The following UBE2G1 variants were observed in gnomAD, a reference collection of about 807,000 sequenced individuals.
UBE2G1 encodes ubiquitin conjugating enzyme E2 G1, also known as ubiquitin-conjugating enzyme E2 G1.
UBE2G1 carries 5 observed loss-of-function variants against 22.7 expected under a neutral mutation model. The ratio of observed to expected loss-of-function variants is 0.22; its 90% CI spans 0.12 to 0.46. The LOEUF is 0.46. UBE2G1 is among the 20% of genes least tolerant of loss of function. The pLI is 0.99. For missense variants in UBE2G1, 88 were observed against 203.9 expected, an observed-to-expected ratio of 0.43 and a Z score of 3.46; for synonymous variants, 74 against 67.5, an observed-to-expected ratio of 1.10 and a Z score of -0.47.
At chr17:4,331,494 T>C (rs886553191) in intron 1 of UBE2G1, among the ~76,000 whole-genome samples, 16 of 152,170 alleles carry the variant, frequency 1.1e-4, no homozygotes, top group African/African-American at 3.4e-4. Flanking sequence ...TCTGAATATA[T>C]CTAACTCTTA....
intron 1 of UBE2G1, among the ~76,000 whole-genome samples, chr17:4,348,558 A>C (rs1969807942): frequency 6.7e-6 from 1 of 150,296 alleles, no homozygotes; most frequent in African/African-American, 2.5e-5. Context: ...GTCTCAAAAA[A>C]AAAAAAAAAA....
In UBE2G1 at chr17:4,272,820, T is replaced by TCATCCA. The variant is rs200605058; in HGVS notation, c.*38-305_*38-304insTGGATG. On this transcript the variant is annotated intron_variant, in intron 5 of 5. Transcript: ENST00000396981. ...GCTGAACAGCACAGCTGTATCCTTA[T>TCATCCA]CATCACAGAACGTTCTACTGGACAG... Among the ~76,000 whole-genome samples, 550 of 152,336 alleles carry TCATCCA rather than the reference T, an allele frequency of 3.6e-3. 16 individuals are homozygous for TCATCCA. In the East Asian group the frequency reaches 0.089, roughly 25 times the overall value.
At chr17:4,297,094 C>T (rs1241419032) in intron 2 of UBE2G1, among the ~76,000 whole-genome samples, 1 of 152,204 alleles carries the variant, frequency 6.6e-6, no homozygotes, top group East Asian at 1.9e-4. Flanking sequence ...TGCTATGCTA[C>T]AAACCCTTCC....
At chr17:4,288,850 A>G (rs1969001399) in intron 4 of UBE2G1, among the ~76,000 whole-genome samples, 1 of 152,138 alleles carries the variant, frequency 6.6e-6, no homozygotes, top group Non-Finnish European at 1.5e-5. Flanking sequence ...CAACATATCC[A>G]TATTTCAAAA....
chr17:4,344,595 T>C (rs1326838967), intron 1 of UBE2G1, among the ~76,000 whole-genome samples: 3 of 149,210 alleles, frequency 2.0e-5, no homozygotes, highest in Non-Finnish European at 4.4e-5. Context: ...CCAGGTGCGG[T>C]GACTCACACC....
At chr17:4,285,767 T>C (rs182117166) in intron 4 of UBE2G1, among the ~76,000 whole-genome samples, 1 of 151,856 alleles carries the variant, frequency 6.6e-6, no homozygotes, top group African/African-American at 2.4e-5. Flanking sequence ...CTGGCCAACA[T>C]GGTGAAACCC....
At chr17:4,285,244 AT>A (rs1353293950) in intron 4 of UBE2G1, among the ~76,000 whole-genome samples, 1 of 152,166 alleles carries the variant, frequency 6.6e-6, no homozygotes, top group African/African-American at 2.4e-5. Context: ...ACTCTGTGAA[AT>A]TTCCAAAGAC....
At chr17:4,320,876 C>T (rs1299050301) in intron 1 of UBE2G1, among the ~76,000 whole-genome samples, 1 of 151,760 alleles carries the variant, frequency 6.6e-6, no homozygotes, top group Non-Finnish European at 1.5e-5. Context: ...TCGTTTTCCC[C>T]CTCAAATATA....
intron 2 of UBE2G1, among the ~76,000 whole-genome samples, chr17:4,300,464 G>C (rs576080474): frequency 6.6e-6 from 1 of 151,286 alleles, no homozygotes; most frequent in South Asian, 2.1e-4. Context: ...AATGGCTTGA[G>C]CCTGGGAGGC....
At chr17:4,363,570 C>T (rs557065565) in intron 1 of UBE2G1, among the ~76,000 whole-genome samples, 1 of 152,302 alleles carries the variant, frequency 6.6e-6, no homozygotes, top group South Asian at 2.1e-4. Context: ...TCACACATTG[C>T]TGCTGCTGAC....
chr17:4,307,179 A>G, intron 1 of UBE2G1, 56 bp from the exon 2 acceptor site: 1 of 1,427,250 alleles, frequency 7.0e-7, no homozygotes, highest in South Asian at 1.2e-5. Context: ...TGCATCCAGT[A>G]GATAAATTAC....
chr17:4,346,857 A>G, intron 1 of UBE2G1, among the ~76,000 whole-genome samples: 1 of 152,174 alleles, frequency 6.6e-6, no homozygotes, highest in South Asian at 2.1e-4. Flanking sequence ...TGCTAGTGAT[A>G]TAATGTAGCA....
chr17:4,340,718 C>T (rs763846630), intron 1 of UBE2G1, among the ~76,000 whole-genome samples: 3 of 151,956 alleles, frequency 2.0e-5, no homozygotes, highest in African/African-American at 4.8e-5. Context: ...TATCCAGTCT[C>T]GGGCAGTTCT....
In UBE2G1 at chr17:4,366,561, C is replaced by A. The variant is rs1970038662; in HGVS notation, c.-245G>T. 5 of 401,248 alleles carry A rather than the reference C, an allele frequency of 1.2e-5. No individual in the cohort carries two copies. The highest frequency in any genetic ancestry group is 2.2e-5 in the Non-Finnish European group (5 of 225,664). The allele number at this position is 401,248 out of a possible 1,614,324, so 24.9% of individuals were successfully genotyped here. On this transcript the variant is annotated 5_prime_UTR_variant, in exon 1 of 6. Coordinates refer to ENST00000396981, the MANE Select transcript of UBE2G1 (RefSeq NM_003342.5). ...GGTGCCCGGGCTGCCGCGGCGCGCA[C>A]TGGGACTTCGCTCGCCCGCTTCCCT... is the stretch of plus-strand genomic sequence containing the variant.
intron 1 of UBE2G1, among the ~76,000 whole-genome samples, chr17:4,326,876 C>G (rs975012285): frequency 6.6e-6 from 1 of 152,196 alleles, no homozygotes; most frequent in African/African-American, 2.4e-5. Flanking sequence ...ATGAAAATAC[C>G]TTGCAGCCAG....
chr17:4,345,351 C>T (rs1007231940), intron 1 of UBE2G1, among the ~76,000 whole-genome samples: 1 of 152,194 alleles, frequency 6.6e-6, no homozygotes, highest in African/African-American at 2.4e-5. Context: ...CTGAAAAGTA[C>T]AAATGATGCT....
At chr17:4,347,466 CTTCT>C (rs1325239126) in intron 1 of UBE2G1, among the ~76,000 whole-genome samples, 1 of 92,526 alleles carries the variant, frequency 1.1e-5, no homozygotes, top group Non-Finnish European at 2.1e-5. Context: ...CACAGTATTT[CTTCT>C]TTTTTTTTTT....
intron 1 of UBE2G1, among the ~76,000 whole-genome samples, chr17:4,321,144 C>A (rs990298072): frequency 7.2e-5 from 11 of 151,868 alleles, no homozygotes; most frequent in African/African-American, 1.9e-4. Flanking sequence ...AGGAAGACCC[C>A]ATCTTAAAAA....
At chr17:4,315,771 C>A (rs1407336485) in intron 1 of UBE2G1, among the ~76,000 whole-genome samples, 2 of 137,836 alleles carry the variant, frequency 1.5e-5, no homozygotes, top group South Asian at 4.6e-4. Context: ...CAAAAACAAA[C>A]AAACAAAAAA....
Sources: gnomAD v4.1 joint callset for allele counts (sites outside exome capture counted in the v4.1 genomes callset) on GRCh38, gnomAD v4.1.1 for gene constraint, MANE v1.5 for transcripts, NCBI Gene and HGNC (gene_info 2026-07-23, HGNC 2026-07-21) for gene names.